Variants in GATAD1 observed in about 807,000 individuals in gnomAD.
The protein encoded by GATAD1 is GATA zinc finger domain containing 1.
A neutral mutation model predicts 26.5 loss-of-function variants in GATAD1; 12 were observed. The observed-to-expected ratio is 0.45, with a 90% CI of 0.29 to 0.73. The LOEUF (loss-of-function observed/expected upper bound fraction) is 0.73. GATAD1 is among the 30% of genes least tolerant of loss of function. The pLI is 0.10. For synonymous variants in GATAD1, 129 were observed against 133.1 expected, an observed-to-expected ratio of 0.97 and a Z score of 0.21; for missense variants, 266 against 342.1, an observed-to-expected ratio of 0.78 and a Z score of 1.75.
chr7:92,477,144 G>T, the GATAD1 span, among the ~76,000 whole-genome samples: 1 of 152,164 alleles, frequency 6.6e-6, no homozygotes, highest in African/African-American at 2.4e-5. Context: ...CCTCTAGTCG[G>T]CCCTCGGCTT....
In GATAD1 at chr7:92,457,680, G is replaced by C. The variant is rs1480196676; in HGVS notation, c.*1118G>C. 1 of 152,114 alleles carries C rather than the reference G, an allele frequency of 6.6e-6. No individual in the cohort carries two copies. Among genetic ancestry groups the C allele is most frequent in the Non-Finnish European group, 1.5e-5 (1 of 68,022 alleles). The allele number at this position is 152,114 out of a possible 1,614,324, so 9.4% of individuals were successfully genotyped here. On this transcript the variant is annotated 3_prime_UTR_variant, in exon 5 of 5. Transcript: ENST00000287957. ...AGAACAAAATATTAATTAAGGTATA[G>C]ATGACTGACCAAGGGCTTAATCAAA... is the stretch of plus-strand genomic sequence containing the variant.
the GATAD1 span, among the ~76,000 whole-genome samples, chr7:92,485,295 G>GT: frequency 0.016 from 2,396 of 152,246 alleles, 38 homozygotes; most frequent in Non-Finnish European, 0.024. Context: ...CTAAATCAGC[G>GT]TGAGACCAAG....
the GATAD1 span, among the ~76,000 whole-genome samples, chr7:92,486,031 TGTC>T: frequency 6.6e-6 from 1 of 152,236 alleles, no homozygotes; most frequent in African/African-American, 2.4e-5. Flanking sequence ...GTCAATCGGC[TGTC>T]TTTTCCAGCC....
chr7:92,490,222 TTA>T, the GATAD1 span: 1 of 346,026 alleles, frequency 2.9e-6, no homozygotes, highest in Middle Eastern at 9.2e-4. Flanking sequence ...GAAAGTAAAG[TTA>T]TACTAAGTTT....
the GATAD1 span, chr7:92,489,164 CAT>C: frequency 1.3e-5 from 11 of 863,282 alleles, no homozygotes; most frequent in Admixed American, 1.0e-4. Context: ...AGCTACGACA[CAT>C]ATTTTTTGAA....
the GATAD1 span, among the ~76,000 whole-genome samples, chr7:92,479,074 G>T: frequency 2.0e-5 from 3 of 152,200 alleles, no homozygotes; most frequent in African/African-American, 7.2e-5. Flanking sequence ...TGCACATGGG[G>T]TTTCCTTCTC....
chr7:92,491,369 G>A, the GATAD1 span: 1 of 1,613,650 alleles, frequency 6.2e-7, no homozygotes, highest in Admixed American at 1.7e-5. Context: ...AAGGATCTCG[G>A]ACATCTCTAA....
the GATAD1 span, among the ~76,000 whole-genome samples, chr7:92,476,065 C>T: frequency 6.6e-6 from 1 of 152,168 alleles, no homozygotes; most frequent in Non-Finnish European, 1.5e-5. Context: ...AACCATCTAT[C>T]GTCCTGTCCT....
the GATAD1 span, among the ~76,000 whole-genome samples, chr7:92,476,772 A>G: frequency 3.9e-5 from 6 of 151,940 alleles, no homozygotes; most frequent in African/African-American, 9.7e-5. Flanking sequence ...GGTCCTACAT[A>G]ACTGCCCATG....
chr7:92,447,608 C>T lies in GATAD1; in HGVS notation c.-122C>T. The stretch of plus-strand genomic sequence containing the variant: ...GGCCTGGTCCTTTCACCGGCAGCTC[C>T]GTGCCGACGCTCTCACCGCTCTTCC... On this transcript the variant is annotated 5_prime_UTR_variant, in exon 1 of 5. Coordinates refer to ENST00000287957, the MANE Select transcript of GATAD1 (RefSeq NM_021167.5). 1 of 1,268,748 alleles carries T rather than the reference C, an allele frequency of 7.9e-7. No individual in the cohort carries two copies. Among genetic ancestry groups the T allele is most frequent in the South Asian group, 2.0e-5 (1 of 49,704 alleles). 78.6% of individuals were successfully genotyped at this position (1,268,748 alleles called of 1,614,324 possible).
chr7:92,492,753 CAG>C, the GATAD1 span, among the ~76,000 whole-genome samples: 1 of 152,152 alleles, frequency 6.6e-6, no homozygotes, highest in South Asian at 2.1e-4. Context: ...GTTAAAGAAA[CAG>C]ACATCAAACT....
chr7:92,448,327 C>T (rs909230903), intron 1 of GATAD1, among the ~76,000 whole-genome samples: 1 of 152,180 alleles, frequency 6.6e-6, no homozygotes, highest in South Asian at 2.1e-4. Context: ...ATTATTATGT[C>T]ATTATTGTAA....
chr7:92,469,102 C>T, the GATAD1 span: 10 of 702,194 alleles, frequency 1.4e-5, no homozygotes, highest in African/African-American at 8.7e-5. Context: ...CTCTGCTCTA[C>T]GTTGTATTCG....
intron 2 of GATAD1, chr7:92,449,469 C>T (rs1457363788): frequency 1.0e-6 from 1 of 973,328 alleles, no homozygotes; most frequent in Non-Finnish European, 1.2e-6. Context: ...CAATTAAATT[C>T]TCAGTTTTTA....
At chr7:92,482,504 C>G in the GATAD1 span, among the ~76,000 whole-genome samples, 1 of 151,964 alleles carries the variant, frequency 6.6e-6, no homozygotes, top group Admixed American at 6.5e-5. Context: ...GGCTTCAATC[C>G]CTTTAAAGCC....
the GATAD1 span, chr7:92,469,348 TGAGTA>T: frequency 1.3e-6 from 1 of 765,534 alleles, no homozygotes; most frequent in Non-Finnish European, 2.4e-6. Flanking sequence ...GTAGTAGAAC[TGAGTA>T]GAGGTTGTGA....
intron 3 of GATAD1, 195 bp from the exon 4 acceptor site, chr7:92,454,307 A>G (rs1789571118): frequency 1.8e-6 from 1 of 564,586 alleles, no homozygotes; most frequent in Non-Finnish European, 3.1e-6. Flanking sequence ...GCACCCTCGT[A>G]TGTGTATGTA....
intron 3 of GATAD1, among the ~76,000 whole-genome samples, chr7:92,452,842 A>C (rs760712343): frequency 4.6e-5 from 7 of 152,248 alleles, no homozygotes; most frequent in Non-Finnish European, 1.0e-4. Flanking sequence ...TTCAGCATAC[A>C]TTTGAATATG....
At chr7:92,468,779 C>A in the GATAD1 span, 2 of 738,550 alleles carry the variant, frequency 2.7e-6, no homozygotes, top group Admixed American at 3.7e-5. Context: ...CTGCTTCCTG[C>A]TGAATTGGGG....
Sources: gnomAD v4.1 joint callset for allele counts (sites outside exome capture counted in the v4.1 genomes callset) on GRCh38, gnomAD v4.1.1 for gene constraint, MANE v1.5 for transcripts, NCBI Gene and HGNC (gene_info 2026-07-23, HGNC 2026-07-21) for gene names.